PIAS2: variants seen among roughly 807,000 people sequenced by gnomAD.
PIAS2 encodes E3 SUMO-protein ligase PIAS2.
In PIAS2, 19 loss-of-function variants were observed where a neutral mutation model predicts 69.7. The observed-to-expected ratio is 0.27, with a 90% CI of 0.19 to 0.40. The LOEUF (loss-of-function observed/expected upper bound fraction) is 0.40. Among genes scored for constraint, PIAS2 ranks in the 10% least tolerant of loss-of-function variants. The pLI, the probability that PIAS2 is intolerant of heterozygous loss-of-function variation, is 1.00. For synonymous variants in PIAS2, 261 were observed against 263.2 expected (o/e 0.99, Z 0.08); for missense variants, 624 against 757.0 (o/e 0.82, Z 2.06).
At position 46,890,902 on chromosome 18, in the gene PIAS2, T is replaced by C. The variant is rs922183622; in HGVS notation, c.177A>G (p.Glu59=). Residue 59 remains glutamate (E), a synonymous_variant, in exon 2 of 14, where the codon GAA becomes GAG. Transcript: ENST00000585916. ...TTCGTGGATATCGGCGTCTATACAATTCTCGGATTTTAATCTGAACCGCAG... is the reference window on the plus strand; with the variant it reads ...TTCGTGGATATCGGCGTCTATACAACTCTCGGATTTTAATCTGAACCGCAG... The part of the protein sequence containing the change: ...CSPAVQIKIR[E]LYRRRYPRTL... 4.3e-6 allele frequency: 7 copies of C among 1,614,036 alleles called. No homozygotes were observed. The highest frequency in any genetic ancestry group is 1.3e-5 in the African/African-American group (1 of 74,910).
intron 3 of PIAS2, among the ~76,000 whole-genome samples, chr18:46,856,138 T>A (rs1362253431): frequency 6.6e-6 from 1 of 151,090 alleles, no homozygotes; most frequent in Non-Finnish European, 1.5e-5. Context: ...CCCGAGTAGC[T>A]GGGACTACAG....
At position 46,805,871 on chromosome 18, in the gene PIAS2, T is replaced by C. The variant is rs1168996867; in HGVS notation, c.*6562A>G. ...TGGATGCTTCATTTCTGAAATCCCA[T>C]GCTTAACATTCATCACTGTCTCCCA... On this transcript the variant is annotated 3_prime_UTR_variant, in exon 14 of 14. Transcript: ENST00000585916. The C allele has an allele frequency of 2.0e-5, 3 of 152,218 alleles. No individual in the cohort carries two copies. The highest frequency in any genetic ancestry group is 7.2e-5 in the African/African-American group (3 of 41,454). The allele number at this position is 152,218 out of a possible 1,614,324, so 9.4% of individuals were successfully genotyped here. A position where few individuals can be genotyped will look rare whatever the true frequency, so the allele number is the denominator to read the frequency against.
Position 46,890,821 on chromosome 18 carries a change from A to G in PIAS2, c.258T>C (p.Asp86=). 6.2e-7 allele frequency: 1 copy of G among 1,614,230 alleles called. No individual in the cohort carries two copies. The highest frequency in any genetic ancestry group is 8.5e-7 in the Non-Finnish European group (1 of 1,180,052). The change falls in exon 2 of 14, where the codon GAT becomes GAC. Residue 86 remains aspartate (D), a synonymous_variant. Coordinates refer to ENST00000585916, the MANE Select transcript of PIAS2 (RefSeq NM_004671.5). ...STIKSSVFSL[D]GGSSPVEPDL... ...CAGGTTCTACAGGTGATGAGCCACC[A>G]TCCAAACTGAAAACCGATGATTTGA... is the stretch of plus-strand genomic sequence containing the variant.
At position 46,905,327 on chromosome 18, in the gene PIAS2, G is replaced by GA. The variant is rs1384088702; in HGVS notation, c.24+11994dup. On this transcript the variant is annotated intron_variant, in intron 1 of 13. Coordinates refer to ENST00000585916, the MANE Select transcript of PIAS2 (RefSeq NM_004671.5). The stretch of plus-strand genomic sequence containing the variant: ...TAGAAAAATACAAGTAAAAATAACG[G>GA]AAATATCACACACATCAAAACAAGG... Among the ~76,000 whole-genome samples, 96 of 152,074 alleles carry GA rather than the reference G, an allele frequency of 6.3e-4. 1 individual carries two copies. In the Middle Eastern group the frequency reaches 0.01, roughly 16 times the overall value.
intron 11 of PIAS2, among the ~76,000 whole-genome samples, chr18:46,825,615 T>C (rs776123684): frequency 2.8e-4 from 43 of 152,320 alleles, no homozygotes; most frequent in South Asian, 1.2e-3. Flanking sequence ...TTCTTGATGA[T>C]CAGCACTGAC....
chr18:46,918,354 C>T (rs1487880738), upstream of PIAS2, among the ~76,000 whole-genome samples: 3 of 152,142 alleles, frequency 2.0e-5, no homozygotes, highest in Non-Finnish European at 2.9e-5. Flanking sequence ...TTTTAAGGCC[C>T]TGTTTAATCA....
chr18:46,816,086 C>T (rs2041497441), intron 12 of PIAS2: 6 of 984,888 alleles, frequency 6.1e-6, no homozygotes, highest in Non-Finnish European at 7.2e-6. Flanking sequence ...ATCAGTTCAC[C>T]TAGACCTCCC....
At chr18:46,817,143 T>C (rs1599291189) in intron 12 of PIAS2, 1 of 952,170 alleles carries the variant, frequency 1.1e-6, no homozygotes. Context: ...ATTTTTACAA[T>C]AGCTTCTACC....
chr18:46,815,889 C>A (rs576367206), intron 12 of PIAS2: 46 of 985,552 alleles, frequency 4.7e-5, no homozygotes, highest in Middle Eastern at 1.0e-3. Flanking sequence ...GCTGCGCTAA[C>A]AGGGTTATCA....
At position 46,844,794 on chromosome 18, in the gene PIAS2, T is replaced by C. The variant is rs899626240; in HGVS notation, c.907A>G (p.Met303Val). ...TTCATTTTTAATCTCTGTAATAACA[T>C]GGCTGATGTAAGCTGCCGTACAAGA... ...VYLVRQLTSA[M>V]LLQRLKMKGI... Residue 303 changes from methionine to valine, a missense_variant, in exon 7 of 14, where the codon ATG (methionine) becomes GTG (valine). Physicochemically the swap from Met to Val is conservative, Grantham distance 21. This residue lies in a region of PIAS2 where 339 missense variants were observed against 408.8 expected (regional missense o/e 0.83). Coordinates refer to ENST00000585916, the MANE Select transcript of PIAS2 (RefSeq NM_004671.5). 19 of 1,493,294 alleles carry C rather than the reference T, an allele frequency of 1.3e-5. No individual in the cohort carries two copies. Among genetic ancestry groups the C allele is most frequent in the Non-Finnish European group, 1.7e-5 (19 of 1,124,174 alleles). The allele number at this position is 1,493,294 out of a possible 1,614,324, so 92.5% of individuals were successfully genotyped here.
upstream of PIAS2, among the ~76,000 whole-genome samples, chr18:46,919,003 A>ATG (rs748468417): frequency 6.8e-6 from 1 of 146,062 alleles, no homozygotes; most frequent in East Asian, 2.0e-4. Context: ...GTGTATATAT[A>ATG]TATATGTGTG....
intron 2 of PIAS2, among the ~76,000 whole-genome samples, chr18:46,886,866 G>T (rs1038812616): frequency 6.6e-6 from 1 of 151,488 alleles, no homozygotes; most frequent in East Asian, 1.9e-4. Flanking sequence ...AAATAAAATC[G>T]AATAAAATAA....
At chr18:46,864,452 A>G (rs149004244) in intron 2 of PIAS2, among the ~76,000 whole-genome samples, 1 of 152,332 alleles carries the variant, frequency 6.6e-6, no homozygotes, top group Non-Finnish European at 1.5e-5. Context: ...TTTAACGTTA[A>G]GTACGTAACC....
rs1268407687 is a variant in PIAS2 at position 46,804,586 on chromosome 18, A to C, written c.*7847T>G. The C allele has an allele frequency of 6.6e-6, 1 of 152,222 alleles. No homozygotes were observed. Among genetic ancestry groups the C allele is most frequent in the African/African-American group, 2.4e-5 (1 of 41,440 alleles). 9.4% of individuals were successfully genotyped at this position (152,222 alleles called of 1,614,324 possible). A position where few individuals can be genotyped will look rare whatever the true frequency, so the allele number is the denominator to read the frequency against. On this transcript the variant is annotated 3_prime_UTR_variant, in exon 14 of 14. Transcript: ENST00000585916. Reference sequence around the variant, plus strand: ...TGCATATTTCTCAATATTCCTTAGCAAACTTCCAGCAATTCTAAACATTTC... The same window carrying C: ...TGCATATTTCTCAATATTCCTTAGCCAACTTCCAGCAATTCTAAACATTTC...
intron 2 of PIAS2, among the ~76,000 whole-genome samples, chr18:46,886,614 G>T (rs555606052): frequency 6.6e-6 from 1 of 152,280 alleles, no homozygotes; most frequent in South Asian, 2.1e-4. Context: ...AAGGCGGGTG[G>T]ATCACCTCAG....
At chr18:46,868,482 C>A (rs1297610031) in intron 2 of PIAS2, among the ~76,000 whole-genome samples, 1 of 152,152 alleles carries the variant, frequency 6.6e-6, no homozygotes, top group Non-Finnish European at 1.5e-5. Context: ...TGTACTGTAA[C>A]AGACAGCCTC....
intron 1 of PIAS2, among the ~76,000 whole-genome samples, chr18:46,913,535 G>T (rs56030315): frequency 0.046 from 6,896 of 150,676 alleles, 182 homozygotes; most frequent in Non-Finnish European, 0.064. Context: ...AAAAGAAGGG[G>T]ATGAAGAATA....
At chr18:46,911,186 C>T (rs2057219346) in intron 1 of PIAS2, among the ~76,000 whole-genome samples, 1 of 151,658 alleles carries the variant, frequency 6.6e-6, no homozygotes, top group Non-Finnish European at 1.5e-5. Context: ...ATGAGCTTTC[C>T]TCATTCAACC....
chr18:46,817,765 C>G (rs2041715081), intron 12 of PIAS2: 1 of 951,578 alleles, frequency 1.1e-6, no homozygotes, highest in Non-Finnish European at 1.3e-6. Flanking sequence ...TTCTCAAGTA[C>G]TAACAGTGAA....
Sources: allele counts gnomAD v4.1 joint callset (sites outside exome capture counted in the v4.1 genomes callset), GRCh38; gene constraint gnomAD v4.1.1; regional missense constraint gnomAD v4.1.1; transcripts MANE v1.5; gene names NCBI Gene and HGNC (gene_info 2026-07-23, HGNC 2026-07-21).